The following ARHGAP24 variants were observed in gnomAD, a reference collection of about 807,000 sequenced individuals.
ARHGAP24 encodes rho GTPase-activating protein 24.
In ARHGAP24, 50 loss-of-function variants were observed where a neutral mutation model predicts 76.4. That is an observed-to-expected ratio of 0.65 (90% confidence interval 0.52 to 0.83). The LOEUF is 0.83. Ranked by LOEUF, ARHGAP24 falls within the 40% of genes least tolerant of loss-of-function variation. ARHGAP24 has a pLI of 0.00. For synonymous variants in ARHGAP24, 345 were observed against 323.3 expected (o/e 1.07, Z -0.72); for missense variants, 930 against 914.2 (o/e 1.02, Z -0.22).
chr4:85,674,996 T>C (rs1203278088), intron 2 of ARHGAP24, among the ~76,000 whole-genome samples: 1 of 152,212 alleles, frequency 6.6e-6, no homozygotes. Flanking sequence ...CAGAGGGTTC[T>C]GCTGAAAACT....
intron 3 of ARHGAP24, among the ~76,000 whole-genome samples, chr4:85,917,109 G>A (rs948220523): frequency 2.0e-5 from 3 of 151,576 alleles, no homozygotes; most frequent in African/African-American, 2.4e-5. Flanking sequence ...TCCCCTTCCT[G>A]TGTCCATGTG....
intron 3 of ARHGAP24, among the ~76,000 whole-genome samples, chr4:85,851,835 C>T (rs1731253139): frequency 6.6e-6 from 1 of 152,202 alleles, no homozygotes; most frequent in African/African-American, 2.4e-5. Flanking sequence ...GTCTGATGGG[C>T]TTCCCTTTGT....
At chr4:85,640,291 T>A (rs1335246734) in intron 2 of ARHGAP24, among the ~76,000 whole-genome samples, 1 of 151,646 alleles carries the variant, frequency 6.6e-6, no homozygotes, top group African/African-American at 2.4e-5. Context: ...TCTCATTTCT[T>A]CCTGTGGAAA....
At chr4:85,497,095 A>G (rs1216986889) in intron 1 of ARHGAP24, among the ~76,000 whole-genome samples, 1 of 152,226 alleles carries the variant, frequency 6.6e-6, no homozygotes, top group Non-Finnish European at 1.5e-5. Flanking sequence ...AGGAAATATG[A>G]AACGGTTAAA....
At chr4:85,666,207 G>A (rs1249840079) in intron 2 of ARHGAP24, among the ~76,000 whole-genome samples, 1 of 152,126 alleles carries the variant, frequency 6.6e-6, no homozygotes, top group East Asian at 1.9e-4. Flanking sequence ...TGGAGGCTTT[G>A]TTCGTTTGTT....
chr4:85,776,241 C>T (rs774139682), intron 3 of ARHGAP24, among the ~76,000 whole-genome samples: 2 of 152,120 alleles, frequency 1.3e-5, no homozygotes, highest in Non-Finnish European at 2.9e-5. Context: ...TAGAGAATTC[C>T]GACTGCCTTG....
At chr4:85,622,254 C>A (rs181604700) in intron 2 of ARHGAP24, among the ~76,000 whole-genome samples, 2,803 of 90,252 alleles carry the variant, frequency 0.031, 92 homozygotes, top group African/African-American at 0.1. Flanking sequence ...CCCCTCCCCC[C>A]ACCCCAAACA....
At chr4:85,796,357 T>C (rs1728339924) in intron 3 of ARHGAP24, among the ~76,000 whole-genome samples, 1 of 149,884 alleles carries the variant, frequency 6.7e-6, no homozygotes, top group Non-Finnish European at 1.5e-5. Flanking sequence ...CTTTAAAAAA[T>C]ATGGGGCTTT....
chr4:85,898,951 C>T (rs993735128), intron 3 of ARHGAP24, among the ~76,000 whole-genome samples: 1 of 152,084 alleles, frequency 6.6e-6, no homozygotes, highest in Non-Finnish European at 1.5e-5. Context: ...ACCATGTTGG[C>T]CGGGCTAGTC....
chr4:85,536,067 A>G (rs151067091), intron 1 of ARHGAP24, among the ~76,000 whole-genome samples: 103 of 152,182 alleles, frequency 6.8e-4, no homozygotes, highest in African/African-American at 2.2e-3. Context: ...TGACAGCAGT[A>G]TTTATTGACT....
chr4:85,883,404 T>C (rs1252605207), intron 3 of ARHGAP24, among the ~76,000 whole-genome samples: 1 of 152,176 alleles, frequency 6.6e-6, no homozygotes, highest in African/African-American at 2.4e-5. Context: ...TTGATGATTC[T>C]AGTGTGCGGC....
intron 1 of ARHGAP24, among the ~76,000 whole-genome samples, chr4:85,568,907 T>C (rs551007013): frequency 6.6e-5 from 10 of 152,336 alleles, no homozygotes; most frequent in African/African-American, 2.4e-4. Flanking sequence ...GAGGCAAATC[T>C]TCTGCAAAGA....
At chr4:85,689,522 G>A (rs1723552517) in intron 2 of ARHGAP24, among the ~76,000 whole-genome samples, 1 of 152,020 alleles carries the variant, frequency 6.6e-6, no homozygotes, top group Non-Finnish European at 1.5e-5. Context: ...AAGTAGCTGG[G>A]AATATAGGCG....
At chr4:85,567,549 C>T (rs1419124218) in intron 1 of ARHGAP24, among the ~76,000 whole-genome samples, 1 of 152,138 alleles carries the variant, frequency 6.6e-6, no homozygotes, top group Admixed American at 6.6e-5. Flanking sequence ...AAAGGGAGAT[C>T]GTGTTCACTT....
At chr4:85,803,739 T>C (rs993138633) in intron 3 of ARHGAP24, among the ~76,000 whole-genome samples, 20 of 152,210 alleles carry the variant, frequency 1.3e-4, no homozygotes, top group African/African-American at 3.9e-4. Flanking sequence ...CCTTTTTCTG[T>C]GTGATCCCCA....
intron 3 of ARHGAP24, among the ~76,000 whole-genome samples, chr4:85,846,187 G>A (rs553167198): frequency 5.3e-4 from 81 of 152,276 alleles, no homozygotes; most frequent in African/African-American, 1.8e-3. Context: ...TTACAGGAGT[G>A]ATCCACAGTG....
At chr4:85,538,761 T>C (rs1249531230) in intron 1 of ARHGAP24, among the ~76,000 whole-genome samples, 1 of 152,212 alleles carries the variant, frequency 6.6e-6, no homozygotes, top group African/African-American at 2.4e-5. Flanking sequence ...GGTATCAGTA[T>C]AGAGATGTGT....
chr4:85,992,393 A>G (rs1408406282), intron 8 of ARHGAP24, among the ~76,000 whole-genome samples: 3 of 152,084 alleles, frequency 2.0e-5, no homozygotes, highest in African/African-American at 7.2e-5. Flanking sequence ...ATACTCCATA[A>G]TTGTGACAAG....
intron 1 of ARHGAP24, among the ~76,000 whole-genome samples, chr4:85,487,899 T>TTATA (rs1378618439): frequency 7.7e-6 from 1 of 130,538 alleles, no homozygotes; most frequent in East Asian, 2.0e-4. Context: ...TAAATATATT[T>TTATA]TATATATATA....
Sources: gnomAD v4.1 joint callset for allele counts (sites outside exome capture counted in the v4.1 genomes callset) on GRCh38, gnomAD v4.1.1 for gene constraint, MANE v1.5 for transcripts, NCBI Gene and HGNC (gene_info 2026-07-23, HGNC 2026-07-21) for gene names.